The following C11orf65 variants were observed in gnomAD, a reference collection of about 807,000 sequenced individuals.
The protein encoded by C11orf65 is protein MFI.
C11orf65 carries 38 observed loss-of-function variants against 35.3 expected under a neutral mutation model. The observed-to-expected ratio is 1.08, with a 90% CI of 0.83 to 1.41. The LOEUF is 1.41. Among genes scored for constraint, C11orf65 ranks in the 40% most tolerant of loss-of-function variants. The pLI is 0.00. For synonymous variants in C11orf65, 105 were observed against 114.4 expected (o/e 0.92, Z 0.53); for missense variants, 370 against 367.1 (o/e 1.01, Z -0.06).
At chr11:108,394,245 A>G (rs528424125) in intron 6 of C11orf65, among the ~76,000 whole-genome samples, 1 of 151,856 alleles carries the variant, frequency 6.6e-6, no homozygotes, top group African/African-American at 2.4e-5. Flanking sequence ...TTTTAGAGAT[A>G]AAGAAACTGA....
chr11:108,449,396 C>T (rs1163636721), intron 2 of C11orf65, among the ~76,000 whole-genome samples: 9 of 151,934 alleles, frequency 5.9e-5, no homozygotes, highest in African/African-American at 1.9e-4. Context: ...TACTACAAGG[C>T]TACAGTAACC....
intron 6 of C11orf65, chr11:108,317,563 T>A (rs2136173212): frequency 6.5e-7 from 1 of 1,543,914 alleles, no homozygotes; most frequent in Non-Finnish European, 8.8e-7. Flanking sequence ...GCCTCTCTCC[T>A]CATTCTAAAC....
intron 2 of C11orf65, among the ~76,000 whole-genome samples, chr11:108,363,508 C>G (rs1008960928): frequency 6.6e-6 from 1 of 152,158 alleles, no homozygotes; most frequent in African/African-American, 2.4e-5. Context: ...GGACAGTTGG[C>G]AATGTCTGGA....
rs185321658 is a variant in C11orf65, at chr11:108,406,714, T to G, written c.429+49A>C. 3.4e-6 allele frequency: 4 copies of G among 1,163,702 alleles called. No individual in the cohort carries two copies. The East Asian group carries it at 9.8e-5, about 29-fold the overall frequency. The allele number at this position is 1,163,702 out of a possible 1,614,324, so 72.1% of individuals were successfully genotyped here. A position where few individuals can be genotyped will look rare whatever the true frequency, so the allele number is the denominator to read the frequency against. ...TAAAATTAATTTTTGAAAAGACAAA[T>G]GGGTTTCTAAATACGTAAGGTTAAA... is the stretch of plus-strand genomic sequence containing the variant. On this transcript the variant is annotated intron_variant, in intron 5 of 8. Coordinates refer to ENST00000393084, the MANE Select transcript of C11orf65 (RefSeq NM_152587.5).
chr11:108,438,960 T>C (rs1385977380), intron 2 of C11orf65, among the ~76,000 whole-genome samples: 1 of 151,780 alleles, frequency 6.6e-6, no homozygotes, highest in East Asian at 1.9e-4. Context: ...GAACCGAGAC[T>C]GTGCCACTGC....
intron 2 of C11orf65, chr11:108,354,897 C>T (rs1565582825): frequency 1.3e-6 from 2 of 1,595,116 alleles, no homozygotes; most frequent in East Asian, 4.5e-5. Flanking sequence ...ATAAGGAAGA[C>T]TTTATTTTTT....
At chr11:108,338,634 C>A (rs577392792) in intron 2 of C11orf65, among the ~76,000 whole-genome samples, 2 of 150,660 alleles carry the variant, frequency 1.3e-5, no homozygotes, top group African/African-American at 4.9e-5. Context: ...CCAGTCTGGA[C>A]AACAGAGCAA....
intron 2 of C11orf65, among the ~76,000 whole-genome samples, chr11:108,454,110 A>C (rs757509540): frequency 1.5e-4 from 23 of 152,010 alleles, no homozygotes; most frequent in Non-Finnish European, 1.9e-4. Context: ...TTATTGGTCT[A>C]TTCATATTTT....
intron 2 of C11orf65, chr11:108,365,622 G>T (rs1354314806): frequency 1.5e-6 from 2 of 1,316,004 alleles, no homozygotes; most frequent in African/African-American, 3.0e-5. Context: ...GAACTATTGT[G>T]GGTTTTTTTG....
intron 2 of C11orf65, among the ~76,000 whole-genome samples, chr11:108,460,142 A>G (rs1297445747): frequency 6.6e-6 from 1 of 152,140 alleles, no homozygotes; most frequent in Non-Finnish European, 1.5e-5. Flanking sequence ...AGAAATCAAC[A>G]TAGTTATACC....
intron 2 of C11orf65, among the ~76,000 whole-genome samples, chr11:108,435,666 G>A (rs1565692596): frequency 1.3e-5 from 2 of 152,098 alleles, no homozygotes; most frequent in Non-Finnish European, 2.9e-5. Flanking sequence ...AAAAATACCA[G>A]CTATGATTCC....
chr11:108,332,924 C>T (rs759278155), intron 3 of C11orf65: 17 of 1,605,110 alleles, frequency 1.1e-5, no homozygotes, highest in East Asian at 2.2e-5. Context: ...AAAGAAGAAA[C>T]GTTACTTTCT....
intron 2 of C11orf65, among the ~76,000 whole-genome samples, chr11:108,353,551 A>G (rs2089461671): frequency 6.6e-6 from 1 of 152,208 alleles, no homozygotes; most frequent in African/African-American, 2.4e-5. Context: ...TAGTTGGGTT[A>G]AGAAGTAGTT....
intron 8 of C11orf65, among the ~76,000 whole-genome samples, chr11:108,384,943 T>C (rs1357092272): frequency 6.6e-6 from 1 of 152,204 alleles, no homozygotes; most frequent in East Asian, 1.9e-4. Flanking sequence ...TTCTTCAACA[T>C]GCTGGCTTTT....
intron 3 of C11orf65, among the ~76,000 whole-genome samples, chr11:108,415,799 T>C (rs943802244): frequency 2.6e-5 from 4 of 151,970 alleles, no homozygotes; most frequent in Non-Finnish European, 2.9e-5. Flanking sequence ...AGCCCAGAAA[T>C]AGACCCACAC....
intron 1 of C11orf65, among the ~76,000 whole-genome samples, chr11:108,462,025 TAATAAA>T (rs1244038612): frequency 7.2e-5 from 11 of 152,276 alleles, no homozygotes; most frequent in Non-Finnish European, 1.3e-4. Flanking sequence ...TGTATCAAAA[TAATAAA>T]AATAAAAATA....
intron 2 of C11orf65, among the ~76,000 whole-genome samples, chr11:108,442,396 A>C (rs1028275685): frequency 6.6e-6 from 1 of 152,202 alleles, no homozygotes; most frequent in South Asian, 2.1e-4. Context: ...GTTGGAAAAC[A>C]CTCTTAAGAA....
chr11:108,407,050 A>T (rs1471099844), intron 4 of C11orf65, 46 bp downstream of exon 4: 1 of 1,577,394 alleles, frequency 6.3e-7, no homozygotes, highest in Admixed American at 1.7e-5. Context: ...TCAATTTCAT[A>T]AAAATGTGCT....
chr11:108,464,174 G>A (rs1051550493), intron 1 of C11orf65, among the ~76,000 whole-genome samples: 9 of 152,052 alleles, frequency 5.9e-5, no homozygotes, highest in Admixed American at 2.6e-4. Context: ...AAATCCACCC[G>A]CCTTGGCCTC....
Sources: gnomAD v4.1 joint callset for allele counts (sites outside exome capture counted in the v4.1 genomes callset) on GRCh38, gnomAD v4.1.1 for gene constraint, MANE v1.5 for transcripts, NCBI Gene and HGNC (gene_info 2026-07-23, HGNC 2026-07-21) for gene names.